Variants in APBB2 observed in about 807,000 individuals in gnomAD.
The protein encoded by APBB2 is amyloid beta precursor protein binding family B member 2, also known as Fe65-like 1.
In APBB2, 38 loss-of-function variants were observed where a neutral mutation model predicts 82.5. The observed-to-expected ratio is 0.46, with a 90% CI of 0.36 to 0.60. The LOEUF (loss-of-function observed/expected upper bound fraction) is 0.60. APBB2 is among the 20% of genes least tolerant of loss of function. The pLI is 0.00. For missense variants in APBB2, 772 were observed against 972.3 expected (o/e 0.79, Z 2.74); for synonymous variants, 341 against 368.2 (o/e 0.93, Z 0.85).
chr4:41,047,708 C>T (rs1001800100), intron 4 of APBB2, among the ~76,000 whole-genome samples: 3 of 152,226 alleles, frequency 2.0e-5, no homozygotes, highest in Admixed American at 6.5e-5. Flanking sequence ...CTTAGTTTAA[C>T]ATTCTACTCC....
At chr4:41,029,090 G>A (rs1314470505) in intron 5 of APBB2, among the ~76,000 whole-genome samples, 3 of 152,156 alleles carry the variant, frequency 2.0e-5, no homozygotes, top group African/African-American at 7.2e-5. Context: ...GAAGACCAAT[G>A]TTTGCCCCAT....
At chr4:41,048,695 TCCTTCC>T (rs1724368652) in intron 4 of APBB2, among the ~76,000 whole-genome samples, 1 of 121,062 alleles carries the variant, frequency 8.3e-6, no homozygotes, top group Non-Finnish European at 1.7e-5. Context: ...CCTCTCCCTC[TCCTTCC>T]ACGGTCTCCC....
At chr4:41,093,952 G>A (rs1374111328) in intron 3 of APBB2, among the ~76,000 whole-genome samples, 1 of 151,840 alleles carries the variant, frequency 6.6e-6, no homozygotes, top group African/African-American at 2.4e-5. Context: ...GCCCTTAACT[G>A]TCACTTTGTT....
chr4:41,028,559 T>C (rs1715426912), intron 5 of APBB2, among the ~76,000 whole-genome samples: 1 of 152,082 alleles, frequency 6.6e-6, no homozygotes, highest in African/African-American at 2.4e-5. Context: ...AGAGAGAAAA[T>C]GTGCAAGCCC....
chr4:41,087,907 G>T (rs928359584), intron 3 of APBB2, among the ~76,000 whole-genome samples: 3 of 152,082 alleles, frequency 2.0e-5, no homozygotes, highest in African/African-American at 7.2e-5. Flanking sequence ...AATAATGGGG[G>T]GATAGCCTTT....
At chr4:40,845,588 CAAAAAAAAAAAA>C (rs71198606) in intron 12 of APBB2, among the ~76,000 whole-genome samples, 9 of 56,478 alleles carry the variant, frequency 1.6e-4, no homozygotes, top group African/African-American at 5.3e-4. Flanking sequence ...GGAAATTCCT[CAAAAAAAAAAAA>C]AAAAAAAAAA....
intron 4 of APBB2, among the ~76,000 whole-genome samples, chr4:41,041,445 C>A (rs1047740557): frequency 1.3e-5 from 2 of 152,146 alleles, no homozygotes; most frequent in Admixed American, 1.3e-4. Context: ...TGGCATATAA[C>A]ATTGTACTCT....
intron 2 of APBB2, among the ~76,000 whole-genome samples, chr4:41,111,889 G>T (rs952999717): frequency 6.6e-6 from 1 of 152,106 alleles, no homozygotes; most frequent in Non-Finnish European, 1.5e-5. Flanking sequence ...TCCCTTAAAA[G>T]AAAGAGAAAG....
At position 40,982,394 on chromosome 4, in the gene APBB2, A is replaced by AAG. The variant is rs1560449140; in HGVS notation, c.835+31188_835+31189insCT. Among the ~76,000 whole-genome samples, 27 of 59,970 alleles carry AAG rather than the reference A, an allele frequency of 4.5e-4. 2 individuals carry two copies. Among genetic ancestry groups the AAG allele is most frequent in the African/African-American group, 1.6e-3 (25 of 15,156 alleles). 39.3% of individuals were successfully genotyped at this position (59,970 alleles called of 152,430 possible). A position where few individuals can be genotyped will look rare whatever the true frequency, so the allele number is the denominator to read the frequency against. On this transcript the variant is annotated intron_variant, in intron 6 of 17. Transcript: ENST00000508593. ...AGGAAGGAAGGAAGGAAGGAAGGAA[A>AAG]GGAAAGGAAAGAAAGAAAGAAAGAA...
At chr4:40,889,772 A>C (rs1375904176) in intron 12 of APBB2, among the ~76,000 whole-genome samples, 1 of 152,236 alleles carries the variant, frequency 6.6e-6, no homozygotes, top group Non-Finnish European at 1.5e-5. Flanking sequence ...TGCATTTCTT[A>C]TAAATAACAC....
chr4:41,144,913 C>T (rs1040791828), intron 1 of APBB2, among the ~76,000 whole-genome samples: 11 of 152,160 alleles, frequency 7.2e-5, no homozygotes, highest in African/African-American at 2.2e-4. Context: ...TGAGCCCAGA[C>T]GTTCAAGACC....
intron 1 of APBB2, chr4:41,193,609 G>A: frequency 3.4e-5 from 33 of 979,516 alleles, no homozygotes; most frequent in Middle Eastern, 5.3e-4. Flanking sequence ...TGTTCCTTGC[G>A]GAGGCTGCTG....
chr4:41,165,655 A>G (rs1422255739), intron 1 of APBB2, among the ~76,000 whole-genome samples: 1 of 152,170 alleles, frequency 6.6e-6, no homozygotes, highest in Non-Finnish European at 1.5e-5. Flanking sequence ...TTGCCTCAAG[A>G]GACAAGACGT....
Position 40,827,142 on chromosome 4 carries a change from GACATCGAGGTTC to G in APBB2, c.1710_1721del (p.Asn571_Val574del). On this transcript the variant is annotated inframe_deletion, in exon 14 of 18. Coordinates refer to ENST00000508593, the MANE Select transcript of APBB2 (RefSeq NM_004307.2). ...GTGCCACTGACTTACCTTGCAAAGGGACATCGAGGTTCACATTGGCCCTTTCCTGTAAGGAGC... is the reference window on the plus strand; with the variant it reads ...GTGCCACTGACTTACCTTGCAAAGGGACATTGGCCCTTTCCTGTAAGGAGC... 1 of 1,614,104 alleles carries G rather than the reference GACATCGAGGTTC, an allele frequency of 6.2e-7. No individual in the cohort carries two copies. Among genetic ancestry groups the G allele is most frequent in the Non-Finnish European group, 8.5e-7 (1 of 1,179,966 alleles).
intron 5 of APBB2, among the ~76,000 whole-genome samples, chr4:41,029,822 T>C (rs374688549): frequency 1.1e-4 from 16 of 152,016 alleles, no homozygotes; most frequent in African/African-American, 3.1e-4. Flanking sequence ...GAGAACACCA[T>C]GTTAGGGATG....
chr4:40,830,638 A>T lies in APBB2; in HGVS notation c.1530-61T>A. 5.1e-6 allele frequency: 5 copies of T among 977,908 alleles called. No homozygotes were observed. The Admixed American group carries it at 8.8e-5, about 17-fold the overall frequency. The allele number at this position is 977,908 out of a possible 1,614,324, so 60.6% of individuals were successfully genotyped here. A position where few individuals can be genotyped will look rare whatever the true frequency, so the allele number is the denominator to read the frequency against. ...GAAGCTGATTACCAACACATACTTTAGTTATGAAGTTAACTGAGCTAGCAG... is the reference window on the plus strand; with the variant it reads ...GAAGCTGATTACCAACACATACTTTTGTTATGAAGTTAACTGAGCTAGCAG... On this transcript the variant is annotated intron_variant, in intron 12 of 17. Transcript: ENST00000508593.
intron 6 of APBB2, among the ~76,000 whole-genome samples, chr4:40,972,859 CCTGT>C (rs1796297633): frequency 6.6e-6 from 1 of 152,202 alleles, no homozygotes. Flanking sequence ...ATCCCCAGGG[CCTGT>C]CTAAGATTTG....
chr4:40,986,932 T>C (rs1028535469), intron 6 of APBB2, among the ~76,000 whole-genome samples: 5 of 152,150 alleles, frequency 3.3e-5, no homozygotes, highest in African/African-American at 4.8e-5. Flanking sequence ...ATGGGGGAAA[T>C]TGATTTTGTG....
At position 41,100,405 on chromosome 4, in the gene APBB2, A is replaced by G. The variant is rs931703170; in HGVS notation, c.-149+234T>C. Among the ~76,000 whole-genome samples the G allele has an allele frequency of 9.9e-5, 15 of 151,838 alleles. No individual in the cohort carries two copies. The East Asian group carries it at 2.9e-3, about 29-fold the overall frequency. On this transcript the variant is annotated intron_variant, in intron 3 of 17. Coordinates refer to ENST00000508593, the MANE Select transcript of APBB2 (RefSeq NM_004307.2). The stretch of plus-strand genomic sequence containing the variant: ...AGTTTTGTCACAACCTTGAGGACTC[A>G]GTTTATGAAACCCAAAAGAAATGGC...
Sources: gnomAD v4.1 joint callset for allele counts (sites outside exome capture counted in the v4.1 genomes callset) on GRCh38, gnomAD v4.1.1 for gene constraint, MANE v1.5 for transcripts, NCBI Gene and HGNC (gene_info 2026-07-23, HGNC 2026-07-21) for gene names.